KLB: variants seen among roughly 807,000 people sequenced by gnomAD.
KLB encodes klotho beta.
Under a neutral mutation model 88.4 loss-of-function variants are expected in KLB, and 44 were observed. The observed-to-expected ratio is 0.50, with a 90% CI of 0.39 to 0.64. The LOEUF (loss-of-function observed/expected upper bound fraction) is 0.64, where lower values mean the gene tolerates loss of function less well. Among genes scored for constraint, KLB ranks in the 30% least tolerant of loss-of-function variants. The pLI is 0.00. For synonymous variants in KLB, 548 were observed against 513.4 expected (o/e 1.07, Z -0.91); for missense variants, 1,137 against 1,304.8 (o/e 0.87, Z 1.98).
At chr4:39,420,971 AT>A (rs1743070841) in intron 1 of KLB, among the ~76,000 whole-genome samples, 1 of 152,062 alleles carries the variant, frequency 6.6e-6, no homozygotes, top group African/African-American at 2.4e-5. Context: ...CAATGTTCAA[AT>A]TTTTTTCTAT....
At chr4:39,423,855 T>TA (rs1333722993) in intron 1 of KLB, among the ~76,000 whole-genome samples, 2 of 151,280 alleles carry the variant, frequency 1.3e-5, no homozygotes, top group South Asian at 2.1e-4. Flanking sequence ...TTTTTTAAAA[T>TA]AAAAAAAATT....
Position 39,446,102 on chromosome 4 carries a change from A to G in KLB, c.1606-230A>G, listed in dbSNP as rs1440054317. On this transcript the variant is annotated intron_variant, in intron 3 of 4. Transcript: ENST00000257408. The surrounding 1 kb of genome is among the most constrained non-coding windows in gnomAD (Gnocchi z 6.4). ...TATATAACCTAGGGTTTAAAGTTAA[A>G]TGAACTGGAAAATGGCTTCCCAATG... 6.6e-6 allele frequency among the ~76,000 whole-genome samples: 1 copy of G among 152,216 alleles called. No homozygotes were observed. The highest frequency in any genetic ancestry group is 2.4e-5 in the African/African-American group (1 of 41,462).
intron 1 of KLB, among the ~76,000 whole-genome samples, chr4:39,427,823 A>T (rs1743254049): frequency 6.6e-6 from 1 of 152,152 alleles, no homozygotes; most frequent in Non-Finnish European, 1.5e-5. Context: ...GTTCACGAAA[A>T]TTCTCTAGGG....
intron 1 of KLB, among the ~76,000 whole-genome samples, chr4:39,430,402 C>G (rs1322115066): frequency 9.5e-5 from 1 of 10,540 alleles, no homozygotes; most frequent in Non-Finnish European, 2.2e-4. Context: ...GCTTTTGTTT[C>G]TAATTAGAAA....
At position 39,448,844 on chromosome 4, in the gene KLB, C is replaced by A. The variant is rs977800707; in HGVS notation, c.*158C>A. On this transcript the variant is annotated 3_prime_UTR_variant, in exon 5 of 5. Transcript: ENST00000257408. Reference sequence around the variant, plus strand: ...TCTGCTGTGTGGTTCAAAGAACATTCCCTTAGGTGTTGACATCAGTGAACT... The same window carrying A: ...TCTGCTGTGTGGTTCAAAGAACATTACCTTAGGTGTTGACATCAGTGAACT... 2.9e-6 allele frequency: 2 copies of A among 686,308 alleles called. No homozygotes were observed. The highest frequency in any genetic ancestry group is 4.8e-6 in the Non-Finnish European group (2 of 416,952). 42.5% of individuals were successfully genotyped at this position (686,308 alleles called of 1,614,324 possible). A position where few individuals can be genotyped will look rare whatever the true frequency, so the allele number is the denominator to read the frequency against.
chr4:39,431,860 G>A (rs1481817352), intron 1 of KLB, among the ~76,000 whole-genome samples: 3 of 152,250 alleles, frequency 2.0e-5, no homozygotes, highest in South Asian at 2.1e-4. Flanking sequence ...TTTGACCTAC[G>A]TAAAAGGCAG....
At chr4:39,413,740 A>G (rs116124887) in intron 1 of KLB, among the ~76,000 whole-genome samples, 2,370 of 151,334 alleles carry the variant, frequency 0.016, 61 homozygotes, top group African/African-American at 0.056. Context: ...AAAAAAAAAT[A>G]AATAAAATAA....
rs1167906762 is a variant in KLB, at chr4:39,449,269, C to CA, written c.*587dup. 7.3e-6 allele frequency: 1 copy of CA among 137,286 alleles called. No individual in the cohort carries two copies. Among genetic ancestry groups the CA allele is most frequent in the African/African-American group, 2.7e-5 (1 of 37,412 alleles). 8.5% of individuals were successfully genotyped at this position (137,286 alleles called of 1,614,324 possible). On this transcript the variant is annotated 3_prime_UTR_variant, in exon 5 of 5. Transcript: ENST00000257408. ...ACCCAGGAAACAGGTTACAGTAGGCCAAAATTGCGCCACTGCACTCCAGCC... is the reference window on the plus strand; with the variant it reads ...ACCCAGGAAACAGGTTACAGTAGGCCAAAAATTGCGCCACTGCACTCCAGCC...
intron 3 of KLB, among the ~76,000 whole-genome samples, chr4:39,445,676 G>GTTT (rs1297506631): frequency 4.3e-4 from 36 of 82,896 alleles, no homozygotes; most frequent in African/African-American, 5.9e-4. Context: ...GGCTAATCTT[G>GTTT]TTTTTTTGTT....
chr4:39,408,032 GT>G (rs1350629843), intron 1 of KLB, among the ~76,000 whole-genome samples: 1 of 152,170 alleles, frequency 6.6e-6, no homozygotes, highest in African/African-American at 2.4e-5. Context: ...ACACTACAGT[GT>G]GAATATATGA....
At chr4:39,412,046 C>T (rs1742864103) in intron 1 of KLB, 1 of 151,642 alleles carries the variant, frequency 6.6e-6, no homozygotes, top group Non-Finnish European at 1.5e-5. Context: ...ATATAATCAA[C>T]TTTGGAGACT....
At chr4:39,419,669 G>A (rs535041221) in intron 1 of KLB, among the ~76,000 whole-genome samples, 17 of 151,766 alleles carry the variant, frequency 1.1e-4, no homozygotes, top group African/African-American at 3.9e-4. Flanking sequence ...CCAGCTACTC[G>A]GGAGGCTGAG....
chr4:39,419,269 G>A (rs1040649600), intron 1 of KLB, among the ~76,000 whole-genome samples: 2 of 152,024 alleles, frequency 1.3e-5, no homozygotes, highest in African/African-American at 2.4e-5. Context: ...ATAATATTGC[G>A]ATCCTATTTA....
intron 1 of KLB, among the ~76,000 whole-genome samples, chr4:39,411,330 T>C (rs1322905063): frequency 3.2e-5 from 3 of 93,578 alleles, no homozygotes; most frequent in Non-Finnish European, 6.7e-5. Flanking sequence ...TGTTTTGTTT[T>C]GTTTTGATTT....
chr4:39,415,029 C>T (rs2109821472), intron 1 of KLB, among the ~76,000 whole-genome samples: 1 of 152,052 alleles, frequency 6.6e-6, no homozygotes, highest in East Asian at 2.0e-4. Flanking sequence ...TCTCCTGCCT[C>T]AGCCTCCCAA....
intron 2 of KLB, among the ~76,000 whole-genome samples, chr4:39,436,429 AG>A (rs1743474293): frequency 6.6e-6 from 1 of 152,206 alleles, no homozygotes; most frequent in African/African-American, 2.4e-5. Context: ...TTGGGCAGAA[AG>A]GGTGTCCATT....
Position 39,407,642 on chromosome 4 carries a change from C to A in KLB, c.693C>A (p.Asp231Glu). Residue 231 changes from aspartate (D) to glutamate (E), a missense_variant, in exon 1 of 5, where the codon GAC (aspartate) becomes GAA (glutamate). Asp to Glu is a conservative substitution (Grantham distance 45). Around this residue, in one of 4 missense-constraint regions of KLB, gnomAD observed 597 missense variants for 765.2 expected, o/e 0.78. Transcript: ENST00000257408. ...CATACTGTTTCCAGATGTTTGGGGA[C>A]CGTGTCAAATATTGGATTACAATTC... is the stretch of plus-strand genomic sequence containing the variant. ...YATYCFQMFGDRVKYWITIHN... is the reference protein window; with the variant it reads ...YATYCFQMFGERVKYWITIHN... The A allele has an allele frequency of 1.9e-6, 3 of 1,613,858 alleles. No individual in the cohort carries two copies. Among genetic ancestry groups the A allele is most frequent in the Non-Finnish European group, 2.5e-6 (3 of 1,179,848 alleles).
chr4:39,422,045 C>T (rs1217072418), intron 1 of KLB, among the ~76,000 whole-genome samples: 6 of 152,128 alleles, frequency 3.9e-5, no homozygotes, highest in African/African-American at 1.4e-4. Context: ...CACGCCCGGC[C>T]GCCTCTGAGT....
intron 1 of KLB, among the ~76,000 whole-genome samples, chr4:39,418,540 A>G (rs1414163915): frequency 2.0e-5 from 3 of 151,702 alleles, no homozygotes; most frequent in African/African-American, 7.3e-5. Flanking sequence ...GCCCGGCCAT[A>G]TCATCTAGAG....
Sources: allele counts gnomAD v4.1 joint callset (sites outside exome capture counted in the v4.1 genomes callset), GRCh38; gene constraint gnomAD v4.1.1; regional missense constraint gnomAD v4.1.1; non-coding constraint Gnocchi (gnomAD v3.1); transcripts MANE v1.5; gene names NCBI Gene and HGNC (gene_info 2026-07-23, HGNC 2026-07-21).